The following NOP14 variants were observed in gnomAD, a reference collection of about 807,000 sequenced individuals.
The protein encoded by NOP14 is NOP14 nucleolar protein, also known as nucleolar protein 14.
Under a neutral mutation model 101.6 loss-of-function variants are expected in NOP14, and 57 were observed. That is an observed-to-expected ratio of 0.56 (90% CI 0.45 to 0.70). The LOEUF is 0.70. NOP14 is among the 30% of genes least tolerant of loss of function. The pLI, the probability that NOP14 is intolerant of heterozygous loss-of-function variation, is 0.00. For missense variants in NOP14, 1,134 were observed against 1,075.5 expected (o/e 1.05, Z -0.76); for synonymous variants, 428 against 424.0 (o/e 1.01, Z -0.12).
chr4:2,952,109 GA>G (rs34128991), intron 6 of NOP14, among the ~76,000 whole-genome samples, 165 bp downstream of exon 6: 2,852 of 111,134 alleles, frequency 0.026, 83 homozygotes, highest in African/African-American at 0.08. Context: ...CTGTCTCAAA[GA>G]AAAAAAAAAA....
intron 1 of NOP14, among the ~76,000 whole-genome samples, chr4:2,962,652 G>C (rs537044982): frequency 6.6e-6 from 1 of 151,060 alleles, no homozygotes; most frequent in Non-Finnish European, 1.5e-5. Flanking sequence ...ATGTTCCTCA[G>C]TGAAAATTTA....
Position 2,952,330 on chromosome 4 carries a change from A to T in NOP14, c.815T>A (p.Met272Lys), listed in dbSNP as rs61747144. 1.8e-3 allele frequency: 2,980 copies of T among 1,613,860 alleles called. 56 individuals are homozygous for T. The African/African-American group carries it at 0.036, about 20-fold the overall frequency. ...CTTTGCCAATTCTGCCTCCGTCTTC[A>T]TCCTGTTAGAGGGCTGCGCCTTCAT... ...FEMKAQPSNR[M>K]KTEAELAKEE... Residue 272 changes from methionine to lysine, a missense_variant, in exon 6 of 18, where the codon ATG becomes AAG. Physicochemically the swap from Met to Lys is moderately conservative, Grantham distance 95. Coordinates refer to ENST00000416614, the MANE Select transcript of NOP14 (RefSeq NM_001291978.2).
intron 1 of NOP14, among the ~76,000 whole-genome samples, chr4:2,960,063 G>A (rs1057421905): frequency 6.6e-6 from 1 of 151,970 alleles, no homozygotes; most frequent in Admixed American, 6.6e-5. Flanking sequence ...TCCACCTGCC[G>A]GGTTCAAGCA....
At position 2,951,002 on chromosome 4, in the gene NOP14, G is replaced by A. The variant is rs1305690100; in HGVS notation, c.1002+112C>T. ...CAGATAAAGAACTTTAGAGAAACTG[G>A]TTAAAAAGATTTAAAATTCCCAACT... is the stretch of plus-strand genomic sequence containing the variant. On this transcript the variant is annotated intron_variant, in intron 7 of 17. Transcript: ENST00000416614. 10 of 1,027,034 alleles carry A rather than the reference G, an allele frequency of 9.7e-6. No homozygotes were observed. In the African/African-American group the frequency reaches 1.1e-4, roughly 12 times the overall value. 63.6% of individuals were successfully genotyped at this position (1,027,034 alleles called of 1,614,324 possible). A position where few individuals can be genotyped will look rare whatever the true frequency, so the allele number is the denominator to read the frequency against.
chr4:2,944,192 C>T lies in NOP14; in HGVS notation c.1772G>A (p.Gly591Asp). 6.2e-7 allele frequency: 1 copy of T among 1,614,032 alleles called. No homozygotes were observed. The highest frequency in any genetic ancestry group is 8.5e-7 in the Non-Finnish European group (1 of 1,179,992). The change falls in exon 13 of 18, where the codon GGC (glycine) becomes GAC (aspartate). Residue 591 changes from glycine (G) to aspartate (D), a missense_variant. Physicochemically the swap from Gly to Asp is moderately conservative, Grantham distance 94. Transcript: ENST00000416614. ...CAGGAACAGGCAGCACACGAACAGG[C>T]CCTTCACCACGTCCTGGAGGGACAG... The part of the protein sequence containing the change: ...PILSLQDVVK[G>D]LFVCCLFLEY...
chr4:2,945,773 A>G (rs1190856426), intron 11 of NOP14, among the ~76,000 whole-genome samples: 4 of 152,222 alleles, frequency 2.6e-5, no homozygotes, highest in South Asian at 4.1e-4. Flanking sequence ...CCGTGGTTCT[A>G]TTTGCCTTCC....
In NOP14 at chr4:2,956,785, G is replaced by A. The variant is rs1364307457; in HGVS notation, c.357C>T (p.Tyr119=). The part of the protein sequence containing the change: ...QQRHHEKKSI[Y]NLNEDEELTH... ...TCAATTCTTCATCTTCATTTAGATT[G>A]TAGATGCTTTTTTTCTCATGATGTC... The change falls in exon 3 of 18, where the codon TAC becomes TAT. Residue 119 remains tyrosine, a synonymous_variant. Transcript: ENST00000416614. 2.5e-6 allele frequency: 4 copies of A among 1,606,274 alleles called. No homozygotes were observed. Among genetic ancestry groups the A allele is most frequent in the South Asian group, 1.1e-5 (1 of 89,150 alleles).
Position 2,946,398 on chromosome 4 carries a change from T to C in NOP14, c.1635+14A>G, listed in dbSNP as rs757402783. 13 of 1,614,080 alleles carry C rather than the reference T, an allele frequency of 8.1e-6. No homozygotes were observed. Among genetic ancestry groups the C allele is most frequent in the South Asian group, 1.1e-5 (1 of 91,072 alleles). On this transcript the variant is annotated intron_variant, in intron 11 of 17. Transcript: ENST00000416614. ...TCTGTGGCAGGGGCAGTGCCTAGAC[T>C]GAACTCTGCTTACCACATCCAACCC...
intron 8 of NOP14, among the ~76,000 whole-genome samples, chr4:2,949,178 G>A (rs1213719720): frequency 3.9e-5 from 6 of 152,080 alleles, no homozygotes; most frequent in Non-Finnish European, 5.9e-5. Flanking sequence ...AGAATAATTC[G>A]GCATTGCTTA....
chr4:2,948,797 A>G (rs963958223), intron 8 of NOP14, among the ~76,000 whole-genome samples: 2 of 152,186 alleles, frequency 1.3e-5, no homozygotes, highest in Non-Finnish European at 2.9e-5. Context: ...ATGTCTGCTG[A>G]CAGAGAGGTA....
chr4:2,939,153 A>G (rs777878665), intron 17 of NOP14, 35 bp downstream of exon 17: 2 of 1,612,474 alleles, frequency 1.2e-6, no homozygotes, highest in South Asian at 2.2e-5. Flanking sequence ...GCTGAGTGAC[A>G]CCACAATCGT....
intron 15 of NOP14, among the ~76,000 whole-genome samples, chr4:2,939,851 A>T (rs969544206): frequency 6.6e-6 from 1 of 152,206 alleles, no homozygotes; most frequent in Non-Finnish European, 1.5e-5. Context: ...GCCGGAACGA[A>T]GTAAAGCCAC....
chr4:2,939,759 G>T, intron 15 of NOP14, 114 bp from the exon 16 acceptor site: 1 of 817,518 alleles, frequency 1.2e-6, no homozygotes, highest in Non-Finnish European at 2.1e-6. Flanking sequence ...CGAGCTCCCT[G>T]CAGCAGGATG....
At chr4:2,939,505 G>C in intron 16 of NOP14, 22 bp downstream of exon 16, 6 of 1,608,972 alleles carry the variant, frequency 3.7e-6, no homozygotes, top group Non-Finnish European at 4.3e-6. Flanking sequence ...TGGCCTCCCA[G>C]GGAGATGCTG....
At position 2,952,141 on chromosome 4, in the gene NOP14, T is replaced by C. The variant is rs898983032; in HGVS notation, c.870+134A>G. ...AAAAAAAAAGGTATTCATGAATAAATATAAACTTTAAATAGACTAAAATAT... is the reference window on the plus strand; with the variant it reads ...AAAAAAAAAGGTATTCATGAATAAACATAAACTTTAAATAGACTAAAATAT... On this transcript the variant is annotated intron_variant, in intron 6 of 17. Coordinates refer to ENST00000416614, the MANE Select transcript of NOP14 (RefSeq NM_001291978.2). 7 of 758,786 alleles carry C rather than the reference T, an allele frequency of 9.2e-6. No homozygotes were observed. The African/African-American group carries it at 1.3e-4, about 14-fold the overall frequency. 47.0% of individuals were successfully genotyped at this position (758,786 alleles called of 1,614,324 possible). A position where few individuals can be genotyped will look rare whatever the true frequency, so the allele number is the denominator to read the frequency against.
chr4:2,942,188 A>G lies in NOP14; in HGVS notation c.2051+4T>C. The G allele has an allele frequency of 1.2e-6, 2 of 1,612,880 alleles. No homozygotes were observed. Among genetic ancestry groups the G allele is most frequent in the Non-Finnish European group, 1.7e-6 (2 of 1,179,100 alleles). On this transcript the variant is annotated splice_donor_region_variant and intron_variant, in intron 14 of 17. Coordinates refer to ENST00000416614, the MANE Select transcript of NOP14 (RefSeq NM_001291978.2). ...AGGCCCCAAAGCGGGGTCCCCTCAC[A>G]TACCGGATGTGATTGGCCTCTGTCG...
In NOP14 at chr4:2,939,111, C is replaced by T. The variant is rs554529393; in HGVS notation, c.2474+77G>A. 9.8e-5 allele frequency: 155 copies of T among 1,585,582 alleles called. 1 individual carries two copies. In the East Asian group the frequency reaches 2.0e-3, roughly 21 times the overall value. The stretch of plus-strand genomic sequence containing the variant: ...CCAAGGCTGTGGGATGCCAGGTGCC[C>T]GGTGCTCTGCCCAGGGCCACACAGC... On this transcript the variant is annotated intron_variant, in intron 17 of 17. Transcript: ENST00000416614.
intron 3 of NOP14, 65 bp from the exon 4 acceptor site, chr4:2,954,628 A>G (rs1715224054): frequency 6.4e-7 from 1 of 1,569,100 alleles, no homozygotes; most frequent in Non-Finnish European, 8.6e-7. Flanking sequence ...TGTTTCCTGT[A>G]GCACTCTGCC....
At chr4:2,939,086 C>G (rs1713921416) in intron 17 of NOP14, 102 bp downstream of exon 17, 3 of 1,558,710 alleles carry the variant, frequency 1.9e-6, no homozygotes, top group Non-Finnish European at 1.8e-6. Context: ...CCAGCCAGAG[C>G]CAAGGCTGTG....
Sources: gnomAD v4.1 joint callset for allele counts (sites outside exome capture counted in the v4.1 genomes callset) on GRCh38, gnomAD v4.1.1 for gene constraint, MANE v1.5 for transcripts, NCBI Gene and HGNC (gene_info 2026-07-23, HGNC 2026-07-21) for gene names.